The following SLC45A2 variants were observed in gnomAD, a reference collection of about 807,000 sequenced individuals.
SLC45A2 encodes the protein solute carrier family 45 member 2.
A neutral mutation model predicts 45.5 loss-of-function variants in SLC45A2; 36 were observed. The ratio of observed to expected loss-of-function variants is 0.79; its 90% CI spans 0.61 to 1.04. SLC45A2 has a LOEUF of 1.04. Ranked by LOEUF, SLC45A2 falls within the 50% of genes least tolerant of loss-of-function variation. SLC45A2 has a pLI of 0.00. For missense variants in SLC45A2, 719 were observed against 671.0 expected, an observed-to-expected ratio of 1.07 and a Z score of -0.79; for synonymous variants, 306 against 269.3, an observed-to-expected ratio of 1.14 and a Z score of -1.33.
intron 5 of SLC45A2, among the ~76,000 whole-genome samples, chr5:33,949,474 A>T (rs553662834): frequency 6.6e-6 from 1 of 152,314 alleles, no homozygotes; most frequent in African/African-American, 2.4e-5. Flanking sequence ...AAATACCCAG[A>T]AATGAGAAAG....
rs2111916075 is a variant in SLC45A2 at position 33,951,695 on chromosome 5, G to T, written c.1033-18C>A. On this transcript the variant is annotated intron_variant, in intron 4 of 6. Coordinates refer to ENST00000296589, the MANE Select transcript of SLC45A2 (RefSeq NM_016180.5). ...TACACAATCTGAAAGAGAGATTGGAGGCTGTTGAGGTACAAATGCAATGTA... is the reference window on the plus strand; with the variant it reads ...TACACAATCTGAAAGAGAGATTGGATGCTGTTGAGGTACAAATGCAATGTA... 6.2e-7 allele frequency: 1 copy of T among 1,614,114 alleles called. No individual in the cohort carries two copies. The highest frequency in any genetic ancestry group is 1.3e-5 in the African/African-American group (1 of 75,032).
intron 2 of SLC45A2, chr5:33,971,283 A>G: frequency 1.9e-6 from 1 of 527,100 alleles, no homozygotes; most frequent in Non-Finnish European, 3.9e-6. Context: ...ATCAGAATAG[A>G]TGTGGGAATT....
At chr5:33,946,655 G>T (rs1751937727) in intron 6 of SLC45A2, 1 of 1,023,084 alleles carries the variant, frequency 9.8e-7, no homozygotes, top group African/African-American at 1.7e-5. Context: ...CACACATGGG[G>T]TCTGACTTAC....
chr5:33,953,631 C>T (rs1752184757), intron 4 of SLC45A2, among the ~76,000 whole-genome samples: 1 of 142,244 alleles, frequency 7.0e-6, no homozygotes, highest in Non-Finnish European at 1.5e-5. Flanking sequence ...ACCATCGAGA[C>T]TAGGAAGAAA....
chr5:33,957,396 T>C (rs1752306355), intron 3 of SLC45A2, among the ~76,000 whole-genome samples: 1 of 152,172 alleles, frequency 6.6e-6, no homozygotes, highest in African/African-American at 2.4e-5. Flanking sequence ...TCTTCTTTGC[T>C]GTGGAAAATT....
chr5:33,975,615 C>T lies in SLC45A2; in HGVS notation c.562+6621G>A, dbSNP rs923216289. 1.8e-4 allele frequency among the ~76,000 whole-genome samples: 27 copies of T among 152,122 alleles called. 1 individual carries two copies. The highest frequency in any genetic ancestry group is 5.9e-5 in the Non-Finnish European group (4 of 68,016). On this transcript the variant is annotated intron_variant, in intron 2 of 6. Coordinates refer to ENST00000296589, the MANE Select transcript of SLC45A2 (RefSeq NM_016180.5). ...TTATTCTTATTAAGCTAACATTCAA[C>T]TGTGTTTGCATTTTATGTGATAGCT...
chr5:33,975,354 G>A (rs908990638), intron 2 of SLC45A2, among the ~76,000 whole-genome samples: 1 of 152,212 alleles, frequency 6.6e-6, no homozygotes, highest in African/African-American at 2.4e-5. Flanking sequence ...TGAATTAGAA[G>A]CCATGGGGAA....
chr5:33,983,861 A>G (rs1029875894), intron 1 of SLC45A2, among the ~76,000 whole-genome samples: 1 of 152,260 alleles, frequency 6.6e-6, no homozygotes, highest in Non-Finnish European at 1.5e-5. Context: ...AGAGTATTAA[A>G]TAGAGCATAA....
At chr5:33,961,163 A>AG (rs1383161546) in intron 3 of SLC45A2, among the ~76,000 whole-genome samples, 1 of 152,188 alleles carries the variant, frequency 6.6e-6, no homozygotes, top group African/African-American at 2.4e-5. Context: ...ACTCATTCCA[A>AG]GACATCTTAT....
intron 4 of SLC45A2, among the ~76,000 whole-genome samples, chr5:33,952,604 C>T (rs2111919777): frequency 6.6e-6 from 1 of 151,560 alleles, no homozygotes; most frequent in South Asian, 2.1e-4. Flanking sequence ...ACTTTGCAGG[C>T]TGTAAGAATT....
rs2112022720 is a variant in SLC45A2 at position 33,984,635 on chromosome 5, T to C, written c.-52A>G. The C allele has an allele frequency of 6.2e-7, 1 of 1,600,004 alleles. No homozygotes were observed. The highest frequency in any genetic ancestry group is 8.5e-7 in the Non-Finnish European group (1 of 1,178,944). On this transcript the variant is annotated 5_prime_UTR_variant, in exon 1 of 7. Transcript: ENST00000296589. ...GAGCCCACCACCTCCTGCGTGGTCCTAGGGTCTGTGTTTCAAACTGGATTT... is the reference window on the plus strand; with the variant it reads ...GAGCCCACCACCTCCTGCGTGGTCCCAGGGTCTGTGTTTCAAACTGGATTT...
intron 3 of SLC45A2, among the ~76,000 whole-genome samples, chr5:33,959,182 A>AT (rs1752370060): frequency 6.6e-6 from 1 of 151,250 alleles, no homozygotes; most frequent in Non-Finnish European, 1.5e-5. Context: ...TTTCCTTTCC[A>AT]TTTTTTCCTC....
rs745550712 is a variant in SLC45A2 at position 33,947,370 on chromosome 5, A to G, written c.1161T>C (p.Phe387=). ...CAATGTAGGATACCAAAACTTTCTG[A>G]AAGTCTGTGGGAAGAAGAGAGGGAG... ...NSVFSSLYSY[F]QKVLVSYIGL... Residue 387 remains phenylalanine (F), a synonymous_variant, in exon 6 of 7, where the codon TTT becomes TTC. Transcript: ENST00000296589. The G allele has an allele frequency of 3.1e-6, 5 of 1,614,134 alleles. No homozygotes were observed. Among genetic ancestry groups the G allele is most frequent in the East Asian group, 2.2e-5 (1 of 44,890 alleles).
At chr5:33,960,289 A>G (rs1752412293) in intron 3 of SLC45A2, among the ~76,000 whole-genome samples, 1 of 151,928 alleles carries the variant, frequency 6.6e-6, no homozygotes, top group Admixed American at 6.6e-5. Context: ...ATATATATAT[A>G]TATATATATC....
intron 5 of SLC45A2, among the ~76,000 whole-genome samples, chr5:33,951,071 C>T (rs1388254390): frequency 6.6e-6 from 1 of 152,158 alleles, no homozygotes; most frequent in Non-Finnish European, 1.5e-5. Flanking sequence ...CCAGCTGTCC[C>T]CAATCCTGGT....
chr5:33,976,975 A>T (rs1261552691), intron 2 of SLC45A2, among the ~76,000 whole-genome samples: 3 of 152,268 alleles, frequency 2.0e-5, no homozygotes, highest in African/African-American at 7.2e-5. Flanking sequence ...CTGTGTTGAT[A>T]CTCTAACCCT....
chr5:33,982,408 C>T lies in SLC45A2; in HGVS notation c.390G>A (p.Leu130=). The change falls in exon 2 of 7, where the codon TTG becomes TTA. Residue 130 remains leucine, a synonymous_variant. Coordinates refer to ENST00000296589, the MANE Select transcript of SLC45A2 (RefSeq NM_016180.5). ...CCAGCTTCCTCCTTGGGTTAGCAAT[C>T]AAAGCTAAAAGAAAAATAAACATTG... The part of the protein sequence containing the change: ...YLNGATVVAA[L]IANPRRKLVW... The T allele has an allele frequency of 6.2e-7, 1 of 1,613,968 alleles. No individual in the cohort carries two copies. The highest frequency in any genetic ancestry group is 8.5e-7 in the Non-Finnish European group (1 of 1,179,934).
intron 3 of SLC45A2, among the ~76,000 whole-genome samples, chr5:33,960,310 T>A (rs1561362441): frequency 6.6e-6 from 1 of 152,082 alleles, no homozygotes; most frequent in Non-Finnish European, 1.5e-5. Context: ...ATAGTTTTTT[T>A]ATTCACTTGT....
At chr5:33,964,584 G>A (rs1752549776) in intron 2 of SLC45A2, among the ~76,000 whole-genome samples, 2 of 152,136 alleles carry the variant, frequency 1.3e-5, no homozygotes, top group Non-Finnish European at 2.9e-5. Flanking sequence ...CTTGTTCCCA[G>A]TTGATAGCTG....
Sources: gnomAD v4.1 joint callset for allele counts (sites outside exome capture counted in the v4.1 genomes callset) on GRCh38, gnomAD v4.1.1 for gene constraint, MANE v1.5 for transcripts, NCBI Gene and HGNC (gene_info 2026-07-23, HGNC 2026-07-21) for gene names.